The following ENAH variants were observed in gnomAD, a reference collection of about 807,000 sequenced individuals.
ENAH encodes protein enabled homolog.
A neutral mutation model predicts 78.7 loss-of-function variants in ENAH; 23 were observed. That is an observed-to-expected ratio of 0.29 (90% confidence interval 0.21 to 0.41). ENAH has a LOEUF of 0.41. Ranked by LOEUF, ENAH falls within the 10% of genes least tolerant of loss-of-function variation. ENAH has a pLI of 1.00. For missense variants in ENAH, 544 were observed against 691.0 expected (o/e 0.79, Z 2.39); for synonymous variants, 226 against 241.0 (o/e 0.94, Z 0.58).
chr1:225,647,223 C>CA (rs1301307593), intron 1 of ENAH, among the ~76,000 whole-genome samples: 3 of 151,854 alleles, frequency 2.0e-5, no homozygotes, highest in South Asian at 2.1e-4. Flanking sequence ...GACTCCATCT[C>CA]AAAAAACAAA....
chr1:225,636,911 T>C (rs537668718), intron 1 of ENAH, among the ~76,000 whole-genome samples: 1 of 152,216 alleles, frequency 6.6e-6, no homozygotes, highest in African/African-American at 2.4e-5. Flanking sequence ...AGACTCAGCC[T>C]GGAACAATCA....
intron 3 of ENAH, among the ~76,000 whole-genome samples, chr1:225,543,081 T>C (rs1315197515): frequency 2.0e-5 from 3 of 152,088 alleles, no homozygotes; most frequent in African/African-American, 7.2e-5. Context: ...TGCAGGGTTA[T>C]TGCTGCATAC....
intron 3 of ENAH, among the ~76,000 whole-genome samples, chr1:225,548,473 T>G (rs968942391): frequency 3.3e-5 from 5 of 152,174 alleles, no homozygotes; most frequent in African/African-American, 1.2e-4. Flanking sequence ...AAATTCAAAT[T>G]TTTGCTTTCC....
chr1:225,627,269 T>C (rs1038543982), intron 1 of ENAH, among the ~76,000 whole-genome samples: 1 of 152,216 alleles, frequency 6.6e-6, no homozygotes, highest in African/African-American at 2.4e-5. Flanking sequence ...GTATTTAAAG[T>C]GCCTATTAGT....
intron 1 of ENAH, among the ~76,000 whole-genome samples, chr1:225,651,887 C>T (rs1460284904): frequency 6.6e-6 from 1 of 152,116 alleles, no homozygotes; most frequent in Admixed American, 6.5e-5. Context: ...TATGTTTCAT[C>T]GTATCAATTA....
intron 3 of ENAH, among the ~76,000 whole-genome samples, chr1:225,540,906 G>A (rs1225241511): frequency 6.6e-6 from 1 of 152,076 alleles, no homozygotes; most frequent in African/African-American, 2.4e-5. Flanking sequence ...AAAATGCCAT[G>A]CATGATAAAT....
Position 225,635,251 on chromosome 1 carries a change from C to T in ENAH, c.5+17435G>A, listed in dbSNP as rs575236962. Among the ~76,000 whole-genome samples, 4 of 152,208 alleles carry T rather than the reference C, an allele frequency of 2.6e-5. No homozygotes were observed. The South Asian group carries it at 8.3e-4, about 32-fold the overall frequency. On this transcript the variant is annotated intron_variant, in intron 1 of 13. Transcript: ENST00000366843. Reference sequence around the variant, plus strand: ...ATTTTTAAAGAAACAGTCTATGTTGCCCAGGCTGGTCTCAAATTCCTGGCC... The same window carrying T: ...ATTTTTAAAGAAACAGTCTATGTTGTCCAGGCTGGTCTCAAATTCCTGGCC...
intron 3 of ENAH, among the ~76,000 whole-genome samples, chr1:225,549,558 G>A (rs1192079596): frequency 2.0e-5 from 3 of 152,144 alleles, no homozygotes; most frequent in South Asian, 2.1e-4. Flanking sequence ...GTGGGTCCTC[G>A]CATCACTACA....
intron 1 of ENAH, among the ~76,000 whole-genome samples, chr1:225,582,418 A>G (rs368891952): frequency 1.3e-5 from 2 of 152,292 alleles, no homozygotes; most frequent in African/African-American, 4.8e-5. Context: ...AACTCTTTTA[A>G]GAAAGGAATA....
rs1309328782 is a variant in ENAH at position 225,494,915 on chromosome 1, A to G, written c.*2860T>C. On this transcript the variant is annotated 3_prime_UTR_variant, in exon 14 of 14. Coordinates refer to ENST00000366843, the MANE Select transcript of ENAH (RefSeq NM_018212.6). ...GAAATAGTTACGGTAAAAATAGCAG[A>G]AAACTGAAAATTCTAAAAAGGAAGT... 1.3e-5 allele frequency: 2 copies of G among 152,662 alleles called. No individual in the cohort carries two copies. The highest frequency in any genetic ancestry group is 2.9e-5 in the Non-Finnish European group (2 of 68,028). 9.5% of individuals were successfully genotyped at this position (152,662 alleles called of 1,614,324 possible).
chr1:225,561,615 C>T (rs1050887945), intron 2 of ENAH, among the ~76,000 whole-genome samples: 3 of 11,270 alleles, frequency 2.7e-4, no homozygotes, highest in Non-Finnish European at 4.4e-4. Flanking sequence ...AGTGAGATTC[C>T]GTCTTAAAAT....
In ENAH at chr1:225,497,768, T is replaced by C; in HGVS notation, c.*7A>G. The C allele has an allele frequency of 1.2e-6, 2 of 1,611,354 alleles. No homozygotes were observed. The highest frequency in any genetic ancestry group is 1.7e-5 in the Admixed American group (1 of 59,986). ...ATTAAAGTCCTATCTCTCCTTAGTCTGTTCCTCTATGCAGTATTTGACTTG... is the reference window on the plus strand; with the variant it reads ...ATTAAAGTCCTATCTCTCCTTAGTCCGTTCCTCTATGCAGTATTTGACTTG... On this transcript the variant is annotated 3_prime_UTR_variant, in exon 14 of 14. Transcript: ENST00000366843.
rs1486217808 is a variant in ENAH at position 225,621,114 on chromosome 1, T to G, written c.5+31572A>C. On this transcript the variant is annotated intron_variant, in intron 1 of 13. Transcript: ENST00000366843. Reference sequence around the variant, plus strand: ...AATGTGTCCCGAATTAAAACAAATCTCCTTGGGAAAATCTTCACCCATGTC... The same window carrying G: ...AATGTGTCCCGAATTAAAACAAATCGCCTTGGGAAAATCTTCACCCATGTC... Among the ~76,000 whole-genome samples the G allele has an allele frequency of 2.0e-5, 3 of 152,266 alleles. No homozygotes were observed. The East Asian group carries it at 5.8e-4, about 29-fold the overall frequency.
At chr1:225,647,810 CCACT>C (rs980539858) in intron 1 of ENAH, among the ~76,000 whole-genome samples, 2 of 152,086 alleles carry the variant, frequency 1.3e-5, no homozygotes, top group Non-Finnish European at 2.9e-5. Context: ...CACAGGCCAC[CCACT>C]ATTTGCCAAG....
At position 225,497,668 on chromosome 1, in the gene ENAH, T is replaced by G; in HGVS notation, c.*107A>C. 8.7e-7 allele frequency: 1 copy of G among 1,148,668 alleles called. No individual in the cohort carries two copies. The highest frequency in any genetic ancestry group is 2.5e-5 in the East Asian group (1 of 40,680). The allele number at this position is 1,148,668 out of a possible 1,614,324, so 71.2% of individuals were successfully genotyped here. A position where few individuals can be genotyped will look rare whatever the true frequency, so the allele number is the denominator to read the frequency against. On this transcript the variant is annotated 3_prime_UTR_variant, in exon 14 of 14. Transcript: ENST00000366843. The stretch of plus-strand genomic sequence containing the variant: ...TTTCCCTCCTTCTGTTTGTCTCCAT[T>G]TTCTTCTTACAGCTCATAAATGTAG...
intron 1 of ENAH, among the ~76,000 whole-genome samples, chr1:225,593,302 A>G (rs543928152): frequency 1.4e-5 from 2 of 146,716 alleles, no homozygotes; most frequent in South Asian, 4.3e-4. Context: ...CTCTCCATAA[A>G]TCTTTCAGTA....
intron 1 of ENAH, among the ~76,000 whole-genome samples, chr1:225,570,384 A>G (rs781178876): frequency 6.6e-6 from 1 of 150,878 alleles, no homozygotes; most frequent in Non-Finnish European, 1.5e-5. Flanking sequence ...CCACTTATAC[A>G]TGGATTTTTT....
At chr1:225,624,607 G>C (rs1657605103) in intron 1 of ENAH, among the ~76,000 whole-genome samples, 1 of 151,704 alleles carries the variant, frequency 6.6e-6, no homozygotes, top group Non-Finnish European at 1.5e-5. Context: ...CTGGGCGACA[G>C]AGTAAGACCC....
Position 225,530,551 on chromosome 1 carries a change from T to C in ENAH, c.434+3A>G, listed in dbSNP as rs1419605015. ...AAGTACAAACAATAACTTGAAAATT[T>C]ACCTTCTTTGAATTTCCAATTCTTC... On this transcript the variant is annotated splice_donor_region_variant and intron_variant, in intron 4 of 13. Coordinates refer to ENST00000366843, the MANE Select transcript of ENAH (RefSeq NM_018212.6). 6.2e-6 allele frequency: 10 copies of C among 1,608,246 alleles called. No individual in the cohort carries two copies.
Sources: allele counts gnomAD v4.1 joint callset (sites outside exome capture counted in the v4.1 genomes callset), GRCh38; gene constraint gnomAD v4.1.1; transcripts MANE v1.5; gene names NCBI Gene and HGNC (gene_info 2026-07-23, HGNC 2026-07-21).